TBC1D12: variants seen among roughly 807,000 people sequenced by gnomAD.
TBC1D12 encodes the protein TBC1 domain family member 12.
A neutral mutation model predicts 86.7 loss-of-function variants in TBC1D12; 56 were observed. The observed-to-expected ratio is 0.65, with a 90% confidence interval of 0.52 to 0.81. TBC1D12 has a LOEUF of 0.81. Ranked by LOEUF, TBC1D12 falls within the 30% of genes least tolerant of loss-of-function variation. The pLI is 0.00. For missense variants in TBC1D12, 1,023 were observed against 1,038.8 expected (o/e 0.98, Z 0.21); for synonymous variants, 421 against 411.7 (o/e 1.02, Z -0.27).
At chr10:94,438,976 G>A (rs2055342761) in intron 1 of TBC1D12, among the ~76,000 whole-genome samples, 1 of 151,790 alleles carries the variant, frequency 6.6e-6, no homozygotes, top group African/African-American at 2.4e-5. Context: ...GCTAATTTTT[G>A]TATTTTTAGT....
chr10:94,468,355 T>A (rs2055854021), intron 2 of TBC1D12, among the ~76,000 whole-genome samples: 2 of 152,224 alleles, frequency 1.3e-5, no homozygotes, highest in Admixed American at 6.5e-5. Context: ...TGAAATTATA[T>A]TGCTGGTCTA....
rs545449276 is a variant in TBC1D12, at chr10:94,478,189, G to T, written c.1211+3406G>T. ...ACTTGGGAGGATTTCTTGAGCCCAG[G>T]AGTTTGAGGTTACAGTGAGCTCTGA... On this transcript the variant is annotated intron_variant, in intron 3 of 12. Transcript: ENST00000225235. Among the ~76,000 whole-genome samples the T allele has an allele frequency of 3.3e-5, 5 of 152,242 alleles. No homozygotes were observed. The East Asian group carries it at 9.7e-4, about 29-fold the overall frequency.
intron 1 of TBC1D12, among the ~76,000 whole-genome samples, chr10:94,405,149 A>C (rs1325634992): frequency 1.3e-5 from 2 of 151,870 alleles, no homozygotes; most frequent in Admixed American, 6.6e-5. Flanking sequence ...AAATAGGAAA[A>C]TATTCCCAAC....
At chr10:94,530,617 A>G (rs1390747787) in intron 11 of TBC1D12, among the ~76,000 whole-genome samples, 4 of 152,098 alleles carry the variant, frequency 2.6e-5, no homozygotes, top group South Asian at 4.1e-4. Flanking sequence ...ATAGTTTACT[A>G]ATGAAGAAAC....
Position 94,403,085 on chromosome 10 carries a change from G to A in TBC1D12, c.472G>A (p.Ala158Thr). The A allele has an allele frequency of 7.0e-7, 1 of 1,430,766 alleles. No homozygotes were observed. Among genetic ancestry groups the A allele is most frequent in the Non-Finnish European group, 9.1e-7 (1 of 1,095,756 alleles). The allele number at this position is 1,430,766 out of a possible 1,614,324, so 88.6% of individuals were successfully genotyped here. Residue 158 changes from alanine (A) to threonine (T), a missense_variant, in exon 1 of 13, where the codon GCC (alanine) becomes ACC (threonine). Ala to Thr is a moderately conservative substitution (Grantham distance 58). Around this residue, in one of 2 missense-constraint regions of TBC1D12, gnomAD observed 628 missense variants for 531.1 expected, o/e 1.18. Transcript: ENST00000225235. ...GGAAGAGGCTCGCGGGCTGGCGCGC[G>A]CCGGCGGCCGGGAGTCGCGCCGCCG... ...DLEEARGLAR[A>T]GGRESRRRRP...
At chr10:94,449,928 T>C (rs1268340918) in intron 2 of TBC1D12, among the ~76,000 whole-genome samples, 1 of 152,196 alleles carries the variant, frequency 6.6e-6, no homozygotes, top group African/African-American at 2.4e-5. Flanking sequence ...TACACTTCTT[T>C]GGTAAATCGC....
chr10:94,407,639 G>A (rs1207107200), intron 1 of TBC1D12, among the ~76,000 whole-genome samples: 3 of 151,542 alleles, frequency 2.0e-5, no homozygotes, highest in Non-Finnish European at 4.4e-5. Flanking sequence ...CTGAGATCGT[G>A]GCACTGCACT....
chr10:94,510,366 C>T (rs1421068112), intron 8 of TBC1D12, among the ~76,000 whole-genome samples, 187 bp downstream of exon 8: 18 of 151,944 alleles, frequency 1.2e-4, no homozygotes, highest in Admixed American at 1.0e-3. Context: ...TTCCACTGAC[C>T]GAAATACATT....
At chr10:94,508,916 T>C (rs1177962812) in intron 7 of TBC1D12, 1 of 152,026 alleles carries the variant, frequency 6.6e-6, no homozygotes, top group African/African-American at 2.4e-5. Context: ...TGCCAGACAT[T>C]GTATATAAAA....
chr10:94,528,366 A>G (rs1401823347), intron 11 of TBC1D12, among the ~76,000 whole-genome samples: 1 of 152,184 alleles, frequency 6.6e-6, no homozygotes, highest in Admixed American at 6.5e-5. Context: ...CTGATAGAAG[A>G]ATGATGCCTT....
At chr10:94,501,461 CAGA>C in intron 6 of TBC1D12, 1 of 154,146 alleles carries the variant, frequency 6.5e-6, no homozygotes, top group East Asian at 1.9e-4. Flanking sequence ...CTTTAAAGAA[CAGA>C]AGAAGAAATA....
At chr10:94,404,648 CAAAAAA>C (rs11365857) in intron 1 of TBC1D12, among the ~76,000 whole-genome samples, 1 of 125,748 alleles carries the variant, frequency 8.0e-6, no homozygotes, top group Non-Finnish European at 1.7e-5. Context: ...CTCCGTCTTT[CAAAAAA>C]AAAAAAAAAG....
intron 9 of TBC1D12, among the ~76,000 whole-genome samples, chr10:94,512,925 A>T (rs2056543354): frequency 6.6e-6 from 1 of 152,192 alleles, no homozygotes; most frequent in Non-Finnish European, 1.5e-5. Flanking sequence ...AGCACTGGTT[A>T]AATGTTGACA....
At chr10:94,437,402 TG>T (rs2055317214) in intron 1 of TBC1D12, among the ~76,000 whole-genome samples, 1 of 151,954 alleles carries the variant, frequency 6.6e-6, no homozygotes, top group African/African-American at 2.4e-5. Flanking sequence ...CTTGGCTCAC[TG>T]CGAGCTCCGC....
chr10:94,516,592 C>T (rs1156832673), intron 9 of TBC1D12, among the ~76,000 whole-genome samples: 4 of 137,628 alleles, frequency 2.9e-5, no homozygotes, highest in Admixed American at 7.8e-5. Flanking sequence ...GACAGGCCCC[C>T]GTGTGTGATG....
chr10:94,440,594 AT>A (rs1172690929), intron 1 of TBC1D12, among the ~76,000 whole-genome samples: 19 of 152,184 alleles, frequency 1.2e-4, no homozygotes, highest in Non-Finnish European at 2.8e-4. Flanking sequence ...TTGATACGGC[AT>A]TTTGAGTATA....
chr10:94,411,825 G>A (rs1396320730), intron 1 of TBC1D12, among the ~76,000 whole-genome samples: 1 of 152,196 alleles, frequency 6.6e-6, no homozygotes, highest in East Asian at 1.9e-4. Flanking sequence ...GGGCATGGTT[G>A]TGTGCACCTG....
At chr10:94,427,977 TAAG>T (rs923570501) in intron 1 of TBC1D12, among the ~76,000 whole-genome samples, 24 of 151,938 alleles carry the variant, frequency 1.6e-4, no homozygotes, top group African/African-American at 5.6e-4. Context: ...TCTGGAAGGA[TAAG>T]AAAATAAATT....
chr10:94,437,001 C>T (rs760946973), intron 1 of TBC1D12, among the ~76,000 whole-genome samples: 13 of 152,020 alleles, frequency 8.6e-5, no homozygotes, highest in East Asian at 5.8e-4. Flanking sequence ...CCATCATGCC[C>T]GGCCTCTCCT....
Sources: gnomAD v4.1 joint callset for allele counts (sites outside exome capture counted in the v4.1 genomes callset) on GRCh38, gnomAD v4.1.1 for gene constraint, gnomAD v4.1.1 regional missense constraint, MANE v1.5 for transcripts, NCBI Gene and HGNC (gene_info 2026-07-23, HGNC 2026-07-21) for gene names.